Variants in MAP3K10 observed in about 807,000 individuals in gnomAD.
The protein encoded by MAP3K10 is MKN28 derived nonreceptor_type serine/threonine kinase.
MAP3K10 carries 22 observed loss-of-function variants against 75.0 expected under a neutral mutation model. That is an observed-to-expected ratio of 0.29 (90% CI 0.21 to 0.42). The LOEUF (loss-of-function observed/expected upper bound fraction) is 0.42. Ranked by LOEUF, MAP3K10 falls within the 10% of genes least tolerant of loss-of-function variation. The probability of loss-of-function intolerance (pLI) is 1.00; values close to 1 mark genes in which losing one functional copy is unlikely to be tolerated. For missense variants in MAP3K10, 1,165 were observed against 1,379.8 expected (o/e 0.84, Z 2.47); for synonymous variants, 599 against 612.9 (o/e 0.98, Z 0.34).
Position 40,192,531 on chromosome 19 carries a change from C to T in MAP3K10, c.500C>T (p.Pro167Leu). The change falls in exon 1 of 10, where the codon CCC (proline) becomes CTC (leucine). Residue 167 changes from proline to leucine, a missense_variant. Pro to Leu is a moderately conservative substitution (Grantham distance 98, BLOSUM62 -3). Transcript: ENST00000253055. This position sits in a 1 kb window ranked among gnomAD's most constrained non-coding sequence, Gnocchi z 7.1. ...GCCCTTAGGGGCGCCTGCCTCAACC[C>T]CCCACACCTCTGCCTAGTGATGGAG... ...IIALRGACLN[P>L]PHLCLVMEYA... 6.2e-7 allele frequency: 1 copy of T among 1,613,586 alleles called. No individual in the cohort carries two copies. The highest frequency in any genetic ancestry group is 2.2e-5 in the East Asian group (1 of 44,880).
Position 40,208,361 on chromosome 19 carries a change from T to TA in MAP3K10, c.1436-742_1436-741insA, listed in dbSNP as rs1568492136. On this transcript the variant is annotated intron_variant, in intron 5 of 9. Coordinates refer to ENST00000253055, the MANE Select transcript of MAP3K10 (RefSeq NM_002446.4). ...TCTTTCTTTCTTTTTTTTTTTTTTT[T>TA]TTTTTTTTGTATTTTTAGTAGAGAC... Among the ~76,000 whole-genome samples, 761 of 116,226 alleles carry TA rather than the reference T, an allele frequency of 6.5e-3. 11 individuals carry two copies. Among genetic ancestry groups the TA allele is most frequent in the African/African-American group, 0.025 (706 of 28,708 alleles). 76.2% of individuals were successfully genotyped at this position (116,226 alleles called of 152,430 possible). A position where few individuals can be genotyped will look rare whatever the true frequency, so the allele number is the denominator to read the frequency against.
chr19:40,207,228 T>G (rs1367201254), intron 5 of MAP3K10, among the ~76,000 whole-genome samples: 1 of 152,148 alleles, frequency 6.6e-6, no homozygotes, highest in Admixed American at 6.6e-5. Context: ...GATTCAGGTT[T>G]GATTTTTTTT....
intron 2 of MAP3K10, among the ~76,000 whole-genome samples, chr19:40,202,758 A>C (rs1217400575): frequency 6.6e-6 from 1 of 151,580 alleles, no homozygotes; most frequent in African/African-American, 2.4e-5. Flanking sequence ...CCATCATCCC[A>C]CCTCACACTC....
intron 6 of MAP3K10, among the ~76,000 whole-genome samples, chr19:40,209,634 C>T (rs62107563): frequency 0.047 from 7,082 of 151,832 alleles, 203 homozygotes; most frequent in Non-Finnish European, 0.059. Flanking sequence ...AGGCTGGTAT[C>T]GAACTCCTGA....
chr19:40,203,397 C>CT (rs1376546824), intron 2 of MAP3K10, among the ~76,000 whole-genome samples: 2 of 152,042 alleles, frequency 1.3e-5, no homozygotes, highest in Non-Finnish European at 2.9e-5. Context: ...CAGGGATCTA[C>CT]TCCAGGATAA....
chr19:40,214,713 C>G (rs1339449750), intron 9 of MAP3K10, among the ~76,000 whole-genome samples: 1 of 152,082 alleles, frequency 6.6e-6, no homozygotes, highest in Non-Finnish European at 1.5e-5. Context: ...CTTTGGCCCC[C>G]GAGGCTGCCG....
At chr19:40,199,559 G>A (rs952564949) in intron 2 of MAP3K10, among the ~76,000 whole-genome samples, 3 of 152,206 alleles carry the variant, frequency 2.0e-5, no homozygotes, top group Non-Finnish European at 2.9e-5. Flanking sequence ...ACAGCAAAGA[G>A]GCCCATGTGG....
chr19:40,213,060 T>A lies in MAP3K10; in HGVS notation c.1725-16T>A, dbSNP rs1323144962. On this transcript the variant is annotated splice_polypyrimidine_tract_variant and intron_variant, in intron 7 of 9. Coordinates refer to ENST00000253055, the MANE Select transcript of MAP3K10 (RefSeq NM_002446.4). This position sits in a 1 kb window ranked among gnomAD's most constrained non-coding sequence, Gnocchi z 5.7. ...GCCACAGGACTGAGGTCTCCATCTCTCCCTGGACCCCGCAGGCTGAAGGGG... is the reference window on the plus strand; with the variant it reads ...GCCACAGGACTGAGGTCTCCATCTCACCCTGGACCCCGCAGGCTGAAGGGG... The A allele has an allele frequency of 6.2e-7, 1 of 1,604,126 alleles. No individual in the cohort carries two copies. Among genetic ancestry groups the A allele is most frequent in the South Asian group, 1.1e-5 (1 of 89,440 alleles).
chr19:40,201,573 G>A (rs543282084), intron 2 of MAP3K10, among the ~76,000 whole-genome samples: 3 of 144,912 alleles, frequency 2.1e-5, no homozygotes, highest in Admixed American at 1.4e-4. Context: ...AATCATTGCA[G>A]CCTCAACCTC....
chr19:40,215,149 C>T lies in MAP3K10; in HGVS notation c.2722C>T (p.Leu908Phe). 6.2e-7 allele frequency: 1 copy of T among 1,608,942 alleles called. No homozygotes were observed. Among genetic ancestry groups the T allele is most frequent in the Non-Finnish European group, 8.5e-7 (1 of 1,178,228 alleles). ...PWKLVSFGRT[L>F]TISPPSRPDT... ...GAAACTGGTCTCCTTCGGCCGGACA[C>T]TCACCATCTCGCCTCCCAGCAGGCC... The change falls in exon 10 of 10, where the codon CTC becomes TTC. Residue 908 changes from leucine to phenylalanine, a missense_variant. Around this residue, in one of 2 missense-constraint regions of MAP3K10, gnomAD observed 590 missense variants for 586.6 expected, o/e 1.01. Coordinates refer to ENST00000253055, the MANE Select transcript of MAP3K10 (RefSeq NM_002446.4).
Position 40,213,840 on chromosome 19 carries a change from C to A in MAP3K10, c.2161C>A (p.Leu721Ile). 1.5e-6 allele frequency: 2 copies of A among 1,354,596 alleles called. No homozygotes were observed. The highest frequency in any genetic ancestry group is 9.5e-7 in the Non-Finnish European group (1 of 1,055,856). 83.9% of individuals were successfully genotyped at this position (1,354,596 alleles called of 1,614,324 possible). ...FPRAGRFPRG[L>I]SPPARPHGRR... is the part of the protein sequence containing the mutation. ...CCGCGCCGGCCGCTTCCCGCGGGGC[C>A]TCAGCCCACCCGCGCGTCCCCACGG... Residue 721 changes from leucine (L) to isoleucine (I), a missense_variant, in exon 9 of 10, where the codon CTC becomes ATC. By Grantham distance (5) the Leu-to-Ile change is conservative. Transcript: ENST00000253055. This position sits in a 1 kb window ranked among gnomAD's most constrained non-coding sequence, Gnocchi z 5.7.
Position 40,198,363 on chromosome 19 carries a change from C to T in MAP3K10, c.683-12C>T. The T allele has an allele frequency of 6.2e-7, 1 of 1,602,352 alleles. No homozygotes were observed. The highest frequency in any genetic ancestry group is 8.5e-7 in the Non-Finnish European group (1 of 1,172,702). On this transcript the variant is annotated splice_polypyrimidine_tract_variant and intron_variant, in intron 1 of 9. Transcript: ENST00000253055. This position sits in a 1 kb window ranked among gnomAD's most constrained non-coding sequence, Gnocchi z 4.3. The stretch of plus-strand genomic sequence containing the variant: ...AGGTCTGGGGTGACCCACCTTTCTT[C>T]CCACCCCACAGTCCTGATCCTGGAG...
chr19:40,206,780 T>C (rs1973130643), intron 5 of MAP3K10, among the ~76,000 whole-genome samples: 1 of 152,156 alleles, frequency 6.6e-6, no homozygotes, highest in Non-Finnish European at 1.5e-5. Context: ...TTCTTTTTCA[T>C]GTTATCTCTC....
intron 1 of MAP3K10, among the ~76,000 whole-genome samples, chr19:40,194,801 G>T (rs1397038183): frequency 6.6e-6 from 1 of 152,192 alleles, no homozygotes; most frequent in African/African-American, 2.4e-5. Context: ...TTACAGAAGT[G>T]AACAAGGCAA....
intron 9 of MAP3K10, 46 bp downstream of exon 9, chr19:40,214,267 C>T: frequency 7.3e-7 from 1 of 1,362,234 alleles, no homozygotes; most frequent in Non-Finnish European, 9.4e-7. Flanking sequence ...CCCCTTCTTT[C>T]CTCCTCTGCC....
Position 40,213,870 on chromosome 19 carries a change from C to T in MAP3K10, c.2191C>T (p.Arg731Cys), listed in dbSNP as rs769765190. The change falls in exon 9 of 10, where the codon CGC becomes TGC. Residue 731 changes from arginine (R) to cysteine (C), a missense_variant. By Grantham distance (180) the Arg-to-Cys change is radical. Coordinates refer to ENST00000253055, the MANE Select transcript of MAP3K10 (RefSeq NM_002446.4). The surrounding 1 kb of genome is among the most constrained non-coding windows in gnomAD (Gnocchi z 5.7). ...CCCACCCGCGCGTCCCCACGGCCGC[C>T]GCGAAGACGTGGGCCCCGGCCTGGG... ...LSPPARPHGR[R>C]EDVGPGLGLA... 36 of 1,420,930 alleles carry T rather than the reference C, an allele frequency of 2.5e-5. No individual in the cohort carries two copies. The highest frequency in any genetic ancestry group is 2.0e-4 in the Middle Eastern group (1 of 5,126). The allele number at this position is 1,420,930 out of a possible 1,614,324, so 88.0% of individuals were successfully genotyped here.
chr19:40,215,044 G>A lies in MAP3K10; in HGVS notation c.2617G>A (p.Glu873Lys), dbSNP rs1316418771. ...ALFPARRRPP[E>K]FPGRPTTLTF... ...GTTCCCAGCCCGCCGCCGGCCCCCT[G>A]AGTTCCCAGGCCGCCCCACCACCCT... Residue 873 changes from glutamate (E) to lysine (K), a missense_variant, in exon 10 of 10, where the codon GAG becomes AAG. Glu to Lys is a moderately conservative substitution (Grantham distance 56). This residue lies in a region of MAP3K10 where 590 missense variants were observed against 586.6 expected (regional missense o/e 1.01). Coordinates refer to ENST00000253055, the MANE Select transcript of MAP3K10 (RefSeq NM_002446.4). 1.9e-6 allele frequency: 3 copies of A among 1,593,836 alleles called. No homozygotes were observed. The highest frequency in any genetic ancestry group is 3.3e-4 in the Middle Eastern group (2 of 6,004).
At position 40,214,090 on chromosome 19, in the gene MAP3K10, A is replaced by T; in HGVS notation, c.2411A>T (p.Lys804Met). 1 of 1,555,924 alleles carries T rather than the reference A, an allele frequency of 6.4e-7. No homozygotes were observed. The highest frequency in any genetic ancestry group is 8.6e-7 in the Non-Finnish European group (1 of 1,158,698). ...GACCTGGAGCTGGAGAGCTTCAAGAAGGACCCCCGCCAGTCGCTCACGCCC... is the reference window on the plus strand; with the variant it reads ...GACCTGGAGCTGGAGAGCTTCAAGATGGACCCCCGCCAGTCGCTCACGCCC... ...LVDLELESFK[K>M]DPRQSLTPTH... The change falls in exon 9 of 10, where the codon AAG (lysine) becomes ATG (methionine). Residue 804 changes from lysine (K) to methionine (M), a missense_variant. Around this residue, in one of 2 missense-constraint regions of MAP3K10, gnomAD observed 590 missense variants for 586.6 expected, o/e 1.01. Coordinates refer to ENST00000253055, the MANE Select transcript of MAP3K10 (RefSeq NM_002446.4).
intron 1 of MAP3K10, among the ~76,000 whole-genome samples, chr19:40,195,179 G>T (rs1972882240): frequency 6.6e-6 from 1 of 152,182 alleles, no homozygotes; most frequent in Admixed American, 6.5e-5. Context: ...GACCTTGGGG[G>T]CCATGGTGAG....
Sources: allele counts gnomAD v4.1 joint callset (sites outside exome capture counted in the v4.1 genomes callset), GRCh38; gene constraint gnomAD v4.1.1; regional missense constraint gnomAD v4.1.1; non-coding constraint Gnocchi (gnomAD v3.1); transcripts MANE v1.5; gene names NCBI Gene and HGNC (gene_info 2026-07-23, HGNC 2026-07-21).